CACNB4: variants seen among roughly 807,000 people sequenced by gnomAD.
The protein encoded by CACNB4 is voltage-dependent L-type calcium channel subunit beta-4.
In CACNB4, 32 loss-of-function variants were observed where a neutral mutation model predicts 71.2. The ratio of observed to expected loss-of-function variants is 0.45; its 90% CI spans 0.34 to 0.60. The LOEUF (loss-of-function observed/expected upper bound fraction) is 0.60. CACNB4 is among the 20% of genes least tolerant of loss of function. The pLI, the probability that CACNB4 is intolerant of heterozygous loss-of-function variation, is 0.01. For synonymous variants in CACNB4, 231 were observed against 236.9 expected, an observed-to-expected ratio of 0.97 and a Z score of 0.23; for missense variants, 464 against 647.9, an observed-to-expected ratio of 0.72 and a Z score of 3.08.
intron 12 of CACNB4, among the ~76,000 whole-genome samples, chr2:151,843,539 C>T (rs1326057941): frequency 6.6e-6 from 1 of 152,158 alleles, no homozygotes; most frequent in Non-Finnish European, 1.5e-5. Flanking sequence ...TGGTCTCAAA[C>T]TCCTGGGCTC....
At chr2:152,039,749 C>T (rs1048225791) in intron 2 of CACNB4, among the ~76,000 whole-genome samples, 6 of 152,192 alleles carry the variant, frequency 3.9e-5, no homozygotes, top group African/African-American at 1.4e-4. Flanking sequence ...TTCCTTCCAA[C>T]CCTGGAAAAG....
Position 151,927,315 on chromosome 2 carries a change from G to C in CACNB4, c.148-43945C>G, listed in dbSNP as rs144431162. ...AGCAATGCTCTTGAGCAGGCACAAG[G>C]AGATGAATCTAACACACAAGGGGAG... is the stretch of plus-strand genomic sequence containing the variant. On this transcript the variant is annotated intron_variant, in intron 2 of 13. Transcript: ENST00000539935. 8.9e-4 allele frequency among the ~76,000 whole-genome samples: 136 copies of C among 152,316 alleles called. 1 individual carries two copies. The highest frequency in any genetic ancestry group is 7.6e-3 in the Admixed American group (116 of 15,296).
At position 151,838,509 on chromosome 2, in the gene CACNB4, C is replaced by G. The variant is rs943330592; in HGVS notation, c.*610G>C. The G allele has an allele frequency of 1.3e-5, 2 of 152,228 alleles. No homozygotes were observed. Among genetic ancestry groups the G allele is most frequent in the Middle Eastern group, 3.2e-3 (1 of 316 alleles). 9.4% of individuals were successfully genotyped at this position (152,228 alleles called of 1,614,324 possible). ...GATTTCTGAGATTTTTTTTTTGGCA[C>G]TATCAATACATTTGGTAAGTCTGAA... On this transcript the variant is annotated 3_prime_UTR_variant, in exon 14 of 14. Coordinates refer to ENST00000539935, the MANE Select transcript of CACNB4 (RefSeq NM_000726.5).
chr2:151,879,319 T>A (rs2099847244), intron 4 of CACNB4, among the ~76,000 whole-genome samples: 1 of 152,240 alleles, frequency 6.6e-6, no homozygotes, highest in Admixed American at 6.5e-5. Context: ...ACAGTGAGAA[T>A]CTGACTCAGG....
At chr2:151,911,122 G>C (rs2099856069) in intron 2 of CACNB4, among the ~76,000 whole-genome samples, 1 of 152,130 alleles carries the variant, frequency 6.6e-6, no homozygotes, top group African/African-American at 2.4e-5. Flanking sequence ...TGGTGTAAAG[G>C]AATGCTTGTG....
chr2:151,969,271 C>A, intron 2 of CACNB4: 1 of 152,202 alleles, frequency 6.6e-6, no homozygotes, highest in East Asian at 1.9e-4. Flanking sequence ...ATGCTCTGAT[C>A]CACCAAACCA....
At chr2:151,841,592 A>G (rs1444498954) in intron 13 of CACNB4, 1 of 283,466 alleles carries the variant, frequency 3.5e-6, no homozygotes, top group South Asian at 4.1e-5. Flanking sequence ...TGTCTCTAAA[A>G]AAAAGTAATG....
intron 2 of CACNB4, among the ~76,000 whole-genome samples, chr2:152,085,684 T>C (rs1216125003): frequency 1.3e-5 from 2 of 152,050 alleles, no homozygotes; most frequent in Non-Finnish European, 2.9e-5. Context: ...TGTGTTGCTG[T>C]TGTTGCTTTA....
At chr2:152,028,676 A>G (rs1024356706) in intron 2 of CACNB4, among the ~76,000 whole-genome samples, 2 of 152,236 alleles carry the variant, frequency 1.3e-5, no homozygotes, top group African/African-American at 2.4e-5. Context: ...GGTCAAAAAC[A>G]TTTCATTTAT....
intron 2 of CACNB4, among the ~76,000 whole-genome samples, chr2:152,054,915 C>T (rs937402486): frequency 2.0e-5 from 3 of 152,128 alleles, no homozygotes. Flanking sequence ...ATTTTTGAAA[C>T]GTCTTTTCTA....
At position 151,943,766 on chromosome 2, in the gene CACNB4, A is replaced by G. The variant is rs144908136; in HGVS notation, c.148-60396T>C. On this transcript the variant is annotated intron_variant, in intron 2 of 13. Transcript: ENST00000539935. Reference sequence around the variant, plus strand: ...TGATGATCATTTGAAGAAACTGATTATGCATCATTTGGAGAAGACAACACA... The same window carrying G: ...TGATGATCATTTGAAGAAACTGATTGTGCATCATTTGGAGAAGACAACACA... Among the ~76,000 whole-genome samples, 20 of 152,340 alleles carry G rather than the reference A, an allele frequency of 1.3e-4. No individual in the cohort carries two copies. The East Asian group carries it at 3.9e-3, about 29-fold the overall frequency.
intron 2 of CACNB4, among the ~76,000 whole-genome samples, chr2:151,924,631 C>T (rs1261791092): frequency 6.6e-6 from 1 of 151,770 alleles, no homozygotes; most frequent in Non-Finnish European, 1.5e-5. Context: ...AGGTGAATTA[C>T]TTATATTAGG....
chr2:151,863,271 G>A (rs774415977), intron 9 of CACNB4, among the ~76,000 whole-genome samples: 15 of 152,132 alleles, frequency 9.9e-5, no homozygotes, highest in Non-Finnish European at 1.9e-4. Flanking sequence ...TCACCACATT[G>A]GCCAGGCTGG....
intron 2 of CACNB4, among the ~76,000 whole-genome samples, chr2:152,069,406 T>C (rs1235918055): frequency 6.6e-6 from 1 of 152,042 alleles, no homozygotes; most frequent in East Asian, 1.9e-4. Context: ...GAAATTGATC[T>C]TGCAGCAGAA....
intron 2 of CACNB4, among the ~76,000 whole-genome samples, chr2:152,011,954 ACT>A (rs948619132): frequency 6.6e-6 from 1 of 152,214 alleles, no homozygotes; most frequent in African/African-American, 2.4e-5. Flanking sequence ...AAACAAACCT[ACT>A]GTGCTGTCAG....
intron 10 of CACNB4, chr2:151,858,771 T>C (rs1206913597): frequency 1.3e-5 from 2 of 152,238 alleles, no homozygotes; most frequent in East Asian, 3.8e-4. Context: ...AATCTACTTG[T>C]TTCTCAACAA....
chr2:151,921,428 C>T (rs2099858991), intron 2 of CACNB4, among the ~76,000 whole-genome samples: 1 of 152,144 alleles, frequency 6.6e-6, no homozygotes, highest in Non-Finnish European at 1.5e-5. Flanking sequence ...CCTATTGCTG[C>T]TGTAAGAATG....
chr2:152,045,617 TTA>T lies in CACNB4; in HGVS notation c.147+52711_147+52712del, dbSNP rs984060063. 6.7e-4 allele frequency among the ~76,000 whole-genome samples: 40 copies of T among 59,498 alleles called. No homozygotes were observed. The East Asian group carries it at 0.022, about 32-fold the overall frequency. The allele number at this position is 59,498 out of a possible 152,430, so 39.0% of individuals were successfully genotyped here. A position where few individuals can be genotyped will look rare whatever the true frequency, so the allele number is the denominator to read the frequency against. ...AATGTTATGGATATTTTACCACATT[TTA>T]AAAAAAAAAAGACAAGGAATGAAAA... is the stretch of plus-strand genomic sequence containing the variant. On this transcript the variant is annotated intron_variant, in intron 2 of 13. Transcript: ENST00000539935.
chr2:152,009,323 T>G (rs1217525898), intron 2 of CACNB4, among the ~76,000 whole-genome samples: 1 of 152,126 alleles, frequency 6.6e-6, no homozygotes, highest in Non-Finnish European at 1.5e-5. Context: ...TGACAAAATG[T>G]CATGTGGTAT....
Sources: allele counts gnomAD v4.1 joint callset (sites outside exome capture counted in the v4.1 genomes callset), GRCh38; gene constraint gnomAD v4.1.1; transcripts MANE v1.5; gene names NCBI Gene and HGNC (gene_info 2026-07-23, HGNC 2026-07-21).